RSRC1: variants seen among roughly 807,000 people sequenced by gnomAD.
The protein encoded by RSRC1 is serine/Arginine-related protein 53.
In RSRC1, 39 loss-of-function variants were observed where a neutral mutation model predicts 49.1. That is an observed-to-expected ratio of 0.79 (90% CI 0.61 to 1.04). The LOEUF (loss-of-function observed/expected upper bound fraction) is 1.04. RSRC1 is among the 50% of genes least tolerant of loss of function. The pLI is 0.00. For missense variants in RSRC1, 388 were observed against 402.4 expected (o/e 0.96, Z 0.31); for synonymous variants, 143 against 130.8 (o/e 1.09, Z -0.63).
At chr3:158,411,906 C>G (rs1039249567) in intron 6 of RSRC1, among the ~76,000 whole-genome samples, 1 of 152,088 alleles carries the variant, frequency 6.6e-6, no homozygotes, top group South Asian at 2.1e-4. Flanking sequence ...CTGAACATAG[C>G]TCTTCCTAAC....
chr3:158,145,169 C>A (rs1182487856), intron 3 of RSRC1, among the ~76,000 whole-genome samples: 1 of 152,116 alleles, frequency 6.6e-6, no homozygotes. Context: ...GCTTTTGTTG[C>A]CATTGCTTTT....
At chr3:158,327,733 A>G (rs1729251435) in intron 5 of RSRC1, among the ~76,000 whole-genome samples, 1 of 152,174 alleles carries the variant, frequency 6.6e-6, no homozygotes, top group South Asian at 2.1e-4. Context: ...AGAGTTCTGT[A>G]GATGTCTATT....
At chr3:158,307,399 T>G (rs2108136481) in intron 5 of RSRC1, among the ~76,000 whole-genome samples, 1 of 152,042 alleles carries the variant, frequency 6.6e-6, no homozygotes, top group South Asian at 2.1e-4. Flanking sequence ...ATATAAAGGC[T>G]TATATTCTTA....
At chr3:158,473,254 G>C (rs1406006691) in intron 7 of RSRC1, among the ~76,000 whole-genome samples, 1 of 152,066 alleles carries the variant, frequency 6.6e-6, no homozygotes, top group Non-Finnish European at 1.5e-5. Flanking sequence ...CAAAGACTTG[G>C]AACCAACCCA....
At position 158,316,438 on chromosome 3, in the gene RSRC1, A is replaced by ATTT. The variant is rs564633575; in HGVS notation, c.531+18387_531+18389dup. On this transcript the variant is annotated intron_variant, in intron 5 of 9. Coordinates refer to ENST00000611884, the MANE Select transcript of RSRC1 (RefSeq NM_001271838.2). The stretch of plus-strand genomic sequence containing the variant: ...TAATCAGTCCACTGCAGAATCTCTC[A>ATTT]TTTTTTTTTTTTTTTTTTTTTTTTT... 6.9e-4 allele frequency among the ~76,000 whole-genome samples: 50 copies of ATTT among 72,244 alleles called. 3 individuals carry two copies. The highest frequency in any genetic ancestry group is 8.7e-4 in the Non-Finnish European group (37 of 42,354). The allele number at this position is 72,244 out of a possible 152,430, so 47.4% of individuals were successfully genotyped here.
At chr3:158,229,422 A>ATG (rs1722823612) in intron 4 of RSRC1, among the ~76,000 whole-genome samples, 1 of 149,798 alleles carries the variant, frequency 6.7e-6, no homozygotes, top group South Asian at 2.1e-4. Context: ...ATGTGTATGT[A>ATG]TGTATGTATA....
chr3:158,491,330 G>A (rs963412366), intron 7 of RSRC1, among the ~76,000 whole-genome samples: 4 of 152,144 alleles, frequency 2.6e-5, no homozygotes, highest in African/African-American at 9.7e-5. Context: ...GATCAGAAAT[G>A]GTTTATGGTA....
At chr3:158,345,759 A>C (rs1730515668) in intron 5 of RSRC1, among the ~76,000 whole-genome samples, 1 of 132,060 alleles carries the variant, frequency 7.6e-6, no homozygotes, top group South Asian at 2.9e-4. Context: ...GAGACTCATC[A>C]TATATATGTG....
intron 3 of RSRC1, among the ~76,000 whole-genome samples, chr3:158,157,112 T>C (rs964522892): frequency 2.0e-5 from 3 of 152,228 alleles, no homozygotes; most frequent in East Asian, 3.8e-4. Flanking sequence ...TTCTCTGTTA[T>C]TGTTGCAGCT....
At chr3:158,517,525 C>G in intron 7 of RSRC1, among the ~76,000 whole-genome samples, 1 of 151,046 alleles carries the variant, frequency 6.6e-6, no homozygotes, top group East Asian at 1.9e-4. Flanking sequence ...ATTCCCTTTG[C>G]TTCAGATCAG....
intron 4 of RSRC1, among the ~76,000 whole-genome samples, chr3:158,230,629 G>C (rs572929201): frequency 2.6e-5 from 4 of 152,172 alleles, no homozygotes; most frequent in Admixed American, 2.6e-4. Context: ...TGTCTTATTA[G>C]AAGATGCTAT....
At chr3:158,318,780 A>G (rs1174840118) in intron 5 of RSRC1, among the ~76,000 whole-genome samples, 1 of 152,240 alleles carries the variant, frequency 6.6e-6, no homozygotes, top group Non-Finnish European at 1.5e-5. Flanking sequence ...TACATTACAC[A>G]TTCTGTTAAG....
chr3:158,396,084 A>G (rs1215879420), intron 6 of RSRC1, among the ~76,000 whole-genome samples: 1 of 152,146 alleles, frequency 6.6e-6, no homozygotes, highest in Non-Finnish European at 1.5e-5. Flanking sequence ...AAATACAAGA[A>G]CAGAAAACCA....
At chr3:158,279,745 T>A (rs1047338182) in intron 4 of RSRC1, among the ~76,000 whole-genome samples, 1 of 152,210 alleles carries the variant, frequency 6.6e-6, no homozygotes, top group Admixed American at 6.5e-5. Context: ...TTATATGCAG[T>A]GGTATTTCAA....
intron 4 of RSRC1, among the ~76,000 whole-genome samples, chr3:158,206,739 C>A (rs755461801): frequency 3.4e-4 from 51 of 152,096 alleles, no homozygotes; most frequent in Non-Finnish European, 6.2e-4. Context: ...CATGGTGAAA[C>A]CCTGTCTCTA....
chr3:158,350,420 C>T (rs369355463), intron 5 of RSRC1, among the ~76,000 whole-genome samples: 6 of 151,002 alleles, frequency 4.0e-5, no homozygotes, highest in East Asian at 3.9e-4. Flanking sequence ...GCGATCTGCC[C>T]GCCTTGGCCT....
intron 4 of RSRC1, among the ~76,000 whole-genome samples, chr3:158,214,269 T>C (rs976542779): frequency 5.3e-5 from 8 of 151,832 alleles, no homozygotes; most frequent in Non-Finnish European, 1.2e-4. Flanking sequence ...TGAGTTTATA[T>C]TCATAGAGTT....
intron 5 of RSRC1, among the ~76,000 whole-genome samples, chr3:158,323,883 A>G (rs987927042): frequency 6.6e-6 from 1 of 152,172 alleles, no homozygotes; most frequent in Non-Finnish European, 1.5e-5. Context: ...ATCATTGCTA[A>G]CATTCAGAAC....
chr3:158,186,813 C>T (rs1457040637), intron 3 of RSRC1, among the ~76,000 whole-genome samples: 2 of 151,864 alleles, frequency 1.3e-5, no homozygotes, highest in East Asian at 3.9e-4. Context: ...CCAATTCTAC[C>T]TTTAATATCT....
Sources: gnomAD v4.1 joint callset for allele counts (sites outside exome capture counted in the v4.1 genomes callset) on GRCh38, gnomAD v4.1.1 for gene constraint, MANE v1.5 for transcripts, NCBI Gene and HGNC (gene_info 2026-07-23, HGNC 2026-07-21) for gene names.